Variants in GNRHR observed in about 807,000 individuals in gnomAD.
GNRHR encodes gonadotropin releasing hormone receptor, also known as gonadotropin-releasing hormone receptor.
In GNRHR, 14 loss-of-function variants were observed where a neutral mutation model predicts 28.1. That is an observed-to-expected ratio of 0.50 (90% CI 0.33 to 0.78). GNRHR has a LOEUF of 0.78. GNRHR is among the 30% of genes least tolerant of loss of function. The pLI is 0.02. For missense variants in GNRHR, 366 were observed against 382.1 expected (o/e 0.96, Z 0.35); for synonymous variants, 141 against 140.5 (o/e 1.00, Z -0.02).
chr4:67,740,930 A>G (rs1731647672), intron 2 of GNRHR, among the ~76,000 whole-genome samples: 2 of 152,210 alleles, frequency 1.3e-5, no homozygotes, highest in African/African-American at 4.8e-5. Context: ...TTTGAAGATG[A>G]TAGTGCTCTT....
At position 67,744,755 on chromosome 4, in the gene GNRHR, G is replaced by A; in HGVS notation, c.555C>T (p.Asp185=). 6.3e-7 allele frequency: 1 copy of A among 1,598,592 alleles called. No homozygotes were observed. The highest frequency in any genetic ancestry group is 8.6e-7 in the Non-Finnish European group (1 of 1,165,850). ...AGAAAACTTTTGTCTGTCCAGAGCT[G>A]TCTGCTAGATGAATCATCCTGAAGA... ...LYIFRMIHLA[D]SSGQTKVFSQ... Residue 185 remains aspartate, a synonymous_variant, in exon 2 of 3, where the codon GAC becomes GAT. Coordinates refer to ENST00000226413, the MANE Select transcript of GNRHR (RefSeq NM_000406.3).
chr4:67,752,310 C>T (rs939089676), intron 1 of GNRHR, among the ~76,000 whole-genome samples: 1 of 151,586 alleles, frequency 6.6e-6, no homozygotes, highest in Non-Finnish European at 1.5e-5. Flanking sequence ...CTCCCAGGCT[C>T]AAGCGATTCT....
At position 67,754,276 on chromosome 4, in the gene GNRHR, G is replaced by C; in HGVS notation, c.60C>G (p.Ser20Arg). The change falls in exon 1 of 3, where the codon AGC becomes AGG. Residue 20 changes from serine to arginine, a missense_variant. Transcript: ENST00000226413. ...NQNHCSAINN[S>R]IPLMQGNLPT... The stretch of plus-strand genomic sequence containing the variant: ...GGAGGTTGCCCTGCATCAGTGGGAT[G>C]CTGTTGTTGATGGCTGAACAGTGAT... The C allele has an allele frequency of 6.2e-7, 1 of 1,612,790 alleles. No homozygotes were observed. Among genetic ancestry groups the C allele is most frequent in the Non-Finnish European group, 8.5e-7 (1 of 1,179,130 alleles).
chr4:67,748,829 C>A (rs1731814290), intron 1 of GNRHR, among the ~76,000 whole-genome samples: 1 of 151,308 alleles, frequency 6.6e-6, no homozygotes, highest in South Asian at 2.1e-4. Context: ...TACTGATATA[C>A]TGAGATTTCC....
rs778251438 is a variant in GNRHR at position 67,754,291 on chromosome 4, T to G, written c.45A>C (p.Ser15=). ...TCAGTGGGATGCTGTTGTTGATGGC[T>G]GAACAGTGATTTTGATTCTGTTCAG... The part of the protein sequence containing the change: ...ASPEQNQNHC[S]AINNSIPLMQ... Residue 15 remains serine, a synonymous_variant, in exon 1 of 3, where the codon TCA becomes TCC. Transcript: ENST00000226413. 50 of 1,612,820 alleles carry G rather than the reference T, an allele frequency of 3.1e-5. No homozygotes were observed. Among genetic ancestry groups the G allele is most frequent in the Non-Finnish European group, 3.9e-5 (46 of 1,179,738 alleles).
intron 1 of GNRHR, among the ~76,000 whole-genome samples, chr4:67,752,374 G>A (rs1731885200): frequency 7.2e-6 from 1 of 137,942 alleles, no homozygotes; most frequent in South Asian, 2.4e-4. Context: ...ATCATGACCA[G>A]CATTTAAGCA....
Position 67,744,734 on chromosome 4 carries a change from A to T in GNRHR, c.576T>A (p.Val192=). ...HLADSSGQTK[V]FSQCVTHCSF... is the part of the protein sequence containing the mutation. ...TGCAGTGTGTTACACATTGAGAGAA[A>T]ACTTTTGTCTGTCCAGAGCTGTCTG... Residue 192 remains valine (V), a synonymous_variant, in exon 2 of 3, where the codon GTT becomes GTA. Transcript: ENST00000226413. 6.2e-7 allele frequency: 1 copy of T among 1,611,454 alleles called. No homozygotes were observed. The highest frequency in any genetic ancestry group is 8.5e-7 in the Non-Finnish European group (1 of 1,177,528).
rs1731604054 is a variant in GNRHR at position 67,738,971 on chromosome 4, C to T, written c.*1509G>A. 1.3e-5 allele frequency among the ~76,000 whole-genome samples: 2 copies of T among 151,996 alleles called. No homozygotes were observed. The highest frequency in any genetic ancestry group is 2.9e-5 in the Non-Finnish European group (2 of 67,902). On this transcript the variant is annotated 3_prime_UTR_variant, in exon 3 of 3. Coordinates refer to ENST00000226413, the MANE Select transcript of GNRHR (RefSeq NM_000406.3). ...AGGAGAAAATCAAAGAAAGAAAGGACGTGCCATTAGTTGGCAATTTGCTTT... is the reference window on the plus strand; with the variant it reads ...AGGAGAAAATCAAAGAAAGAAAGGATGTGCCATTAGTTGGCAATTTGCTTT...
chr4:67,749,111 A>G (rs1036696628), intron 1 of GNRHR, among the ~76,000 whole-genome samples: 9 of 152,172 alleles, frequency 5.9e-5, no homozygotes, highest in African/African-American at 2.2e-4. Flanking sequence ...TATTTCTGCT[A>G]GTAGCACAGT....
At chr4:67,748,181 T>C (rs1731797714) in intron 1 of GNRHR, among the ~76,000 whole-genome samples, 5 of 152,146 alleles carry the variant, frequency 3.3e-5, no homozygotes, top group Non-Finnish European at 7.4e-5. Context: ...TCTTAGAATA[T>C]TATCTTTAAC....
In GNRHR at chr4:67,754,236, A is replaced by G. The variant is rs765549751; in HGVS notation, c.100T>C (p.Ser34Pro). Residue 34 changes from serine (S) to proline (P), a missense_variant, in exon 1 of 3, where the codon TCT (serine) becomes CCT (proline). Ser to Pro is a moderately conservative substitution (Grantham distance 74). Transcript: ENST00000226413. ...MQGNLPTLTL[S>P]GKIRVTVTFF... ...GTAACCGTCACTCGGATCTTTCCAG[A>G]CAAGGTCAGAGTGGGGAGGTTGCCC... 2 of 1,613,798 alleles carry G rather than the reference A, an allele frequency of 1.2e-6. No homozygotes were observed. The highest frequency in any genetic ancestry group is 1.1e-5 in the South Asian group (1 of 91,072).
chr4:67,740,769 T>G (rs201785807), intron 2 of GNRHR, 45 bp from the exon 3 acceptor site: 40 of 1,530,670 alleles, frequency 2.6e-5, no homozygotes, highest in Admixed American at 2.3e-4. Context: ...TCAGTTTTCT[T>G]ACAAAACCAA....
At position 67,754,128 on chromosome 4, in the gene GNRHR, C is replaced by T. The variant is rs762778070; in HGVS notation, c.208G>A (p.Gly70Arg). Residue 70 changes from glycine (G) to arginine (R), a missense_variant, in exon 1 of 3, where the codon GGG (glycine) becomes AGG (arginine). By Grantham distance (125) the Gly-to-Arg change is moderately radical. Transcript: ENST00000226413. ...AGCTTCATTCTTGAGAGCTTTTTCC[C>T]TTTCTCTTTCTTCTGTGTCCACTTC... is the stretch of plus-strand genomic sequence containing the variant. ...LQKWTQKKEK[G>R]KKLSRMKLLL... 1.9e-6 allele frequency: 3 copies of T among 1,613,984 alleles called. No homozygotes were observed. Among genetic ancestry groups the T allele is most frequent in the African/African-American group, 1.3e-5 (1 of 74,908 alleles).
Position 67,754,021 on chromosome 4 carries a change from G to A in GNRHR, c.315C>T (p.Val105=). Residue 105 remains valine (V), a synonymous_variant, in exon 1 of 3, where the codon GTC becomes GTT. Transcript: ENST00000226413. ...AGAGTAACTCTCCAGCATACCATTG[G>A]ACTGTAATGTTCCACATCCCATCCA... ...MPLDGMWNIT[V]QWYAGELLCK... 1 of 1,613,598 alleles carries A rather than the reference G, an allele frequency of 6.2e-7. No homozygotes were observed. Among genetic ancestry groups the A allele is most frequent in the Non-Finnish European group, 8.5e-7 (1 of 1,179,512 alleles).
At chr4:67,742,680 G>A (rs966076) in intron 2 of GNRHR, among the ~76,000 whole-genome samples, 3,456 of 152,208 alleles carry the variant, frequency 0.023, 139 homozygotes, top group African/African-American at 0.078. Flanking sequence ...GAGAACTTCT[G>A]TGTCAAGTAA....
At chr4:67,750,464 T>A (rs984168558) in intron 1 of GNRHR, among the ~76,000 whole-genome samples, 4 of 152,208 alleles carry the variant, frequency 2.6e-5, no homozygotes, top group African/African-American at 7.2e-5. Flanking sequence ...TACATTGTGA[T>A]ATAGAATTTT....
At chr4:67,742,788 G>A (rs33964952) in intron 2 of GNRHR, among the ~76,000 whole-genome samples, 33,895 of 151,978 alleles carry the variant, frequency 0.22, 4,042 homozygotes, top group Middle Eastern at 0.3. Context: ...TCACCAAAGG[G>A]TGGACATATA....
At chr4:67,753,596 C>T in intron 1 of GNRHR, 1 of 580,390 alleles carries the variant, frequency 1.7e-6, no homozygotes, top group South Asian at 2.1e-5. Context: ...AGCATTAACC[C>T]CCATGTTACA....
rs1731582029 is a variant in GNRHR, at chr4:67,738,049, A to G, written c.*2431T>C. Among the ~76,000 whole-genome samples, 1 of 151,654 alleles carries G rather than the reference A, an allele frequency of 6.6e-6. No individual in the cohort carries two copies. The highest frequency in any genetic ancestry group is 1.5e-5 in the Non-Finnish European group (1 of 67,780). On this transcript the variant is annotated 3_prime_UTR_variant, in exon 3 of 3. Transcript: ENST00000226413. The stretch of plus-strand genomic sequence containing the variant: ...TATACATTATAATTTATGAACCATA[A>G]TATTCATATAGAATAATTATTTGTG...
Sources: allele counts gnomAD v4.1 joint callset (sites outside exome capture counted in the v4.1 genomes callset), GRCh38; gene constraint gnomAD v4.1.1; transcripts MANE v1.5; gene names NCBI Gene and HGNC (gene_info 2026-07-23, HGNC 2026-07-21).